Variants in CCDC50 observed in about 807,000 individuals in gnomAD.
CCDC50 encodes the protein coiled-coil domain-containing protein 50.
In CCDC50, 54 loss-of-function variants were observed where a neutral mutation model predicts 70.2. That is an observed-to-expected ratio of 0.77 (90% CI 0.62 to 0.96). CCDC50 has a LOEUF of 0.96. CCDC50 is among the 50% of genes least tolerant of loss of function. CCDC50 has a pLI of 0.00. For synonymous variants in CCDC50, 216 were observed against 198.8 expected (o/e 1.09, Z -0.73); for missense variants, 558 against 578.7 (o/e 0.96, Z 0.37).
At position 191,398,207 on chromosome 3, in the gene CCDC50, A is replaced by G. The variant is rs1334132178; in HGVS notation, c.*6447A>G. ...ACCTCCTTTTTTAAATGCCAATTGT[A>G]CATCTACATTAATTCATCTATGCAA... On this transcript the variant is annotated 3_prime_UTR_variant, in exon 12 of 12. Coordinates refer to ENST00000392455, the MANE Select transcript of CCDC50 (RefSeq NM_178335.3). The G allele has an allele frequency of 1.3e-5, 2 of 152,196 alleles. No homozygotes were observed. The highest frequency in any genetic ancestry group is 4.8e-5 in the African/African-American group (2 of 41,440). 9.4% of individuals were successfully genotyped at this position (152,196 alleles called of 1,614,324 possible).
At chr3:191,376,199 T>C (rs995331426) in intron 6 of CCDC50, among the ~76,000 whole-genome samples, 1 of 152,158 alleles carries the variant, frequency 6.6e-6, no homozygotes, top group East Asian at 1.9e-4. Flanking sequence ...GCCTGGCAGT[T>C]TGGACATGTT....
chr3:191,339,169 AT>A, intron 1 of CCDC50, among the ~76,000 whole-genome samples: 1 of 152,196 alleles, frequency 6.6e-6, no homozygotes, highest in Non-Finnish European at 1.5e-5. Context: ...CATGGTTTAT[AT>A]TGAAAAGAGG....
chr3:191,372,800 T>C (rs1712957406), intron 5 of CCDC50, among the ~76,000 whole-genome samples: 1 of 152,134 alleles, frequency 6.6e-6, no homozygotes, highest in South Asian at 2.1e-4. Context: ...ATTAGTGATT[T>C]TTTAAGTTGT....
chr3:191,379,487 G>C (rs1345222975), intron 6 of CCDC50, among the ~76,000 whole-genome samples: 1 of 152,020 alleles, frequency 6.6e-6, no homozygotes, highest in Non-Finnish European at 1.5e-5. Context: ...TGCTTTATAG[G>C]AATAAATTGG....
rs927640297 is a variant in CCDC50 at position 191,329,436 on chromosome 3, C to CGCGGAGCAGGTGGCCGCG, written c.-234_-217dup. Reference sequence around the variant, plus strand: ...ATTTGGTATCGATTGGGGCCGGGGACGCGGAGCAGGTGGCCGCGGCGGGGC... The same window carrying CGCGGAGCAGGTGGCCGCG: ...ATTTGGTATCGATTGGGGCCGGGGACGCGGAGCAGGTGGCCGCGGCGGAGCAGGTGGCCGCGGCGGGGC... On this transcript the variant is annotated 5_prime_UTR_variant, in exon 1 of 12. Coordinates refer to ENST00000392455, the MANE Select transcript of CCDC50 (RefSeq NM_178335.3). 3 of 450,322 alleles carry CGCGGAGCAGGTGGCCGCG rather than the reference C, an allele frequency of 6.7e-6. No individual in the cohort carries two copies. The highest frequency in any genetic ancestry group is 2.1e-5 in the African/African-American group (1 of 47,770). 27.9% of individuals were successfully genotyped at this position (450,322 alleles called of 1,614,324 possible).
chr3:191,335,429 A>T (rs1711503412), intron 1 of CCDC50, among the ~76,000 whole-genome samples: 1 of 152,208 alleles, frequency 6.6e-6, no homozygotes, highest in Non-Finnish European at 1.5e-5. Context: ...TAGATCTTAG[A>T]TAAGACCTAC....
rs1713757771 is a variant in CCDC50 at position 191,393,258 on chromosome 3, T to C, written c.*1498T>C. The C allele has an allele frequency of 6.6e-6, 1 of 152,182 alleles. No homozygotes were observed. Among genetic ancestry groups the C allele is most frequent in the African/African-American group, 2.4e-5 (1 of 41,442 alleles). The allele number at this position is 152,182 out of a possible 1,614,324, so 9.4% of individuals were successfully genotyped here. A position where few individuals can be genotyped will look rare whatever the true frequency, so the allele number is the denominator to read the frequency against. ...TCTGTCTCCCCCCCATGTACACATA[T>C]ATATATCCCTTCAGCTTGACTTGCT... On this transcript the variant is annotated 3_prime_UTR_variant, in exon 12 of 12. Coordinates refer to ENST00000392455, the MANE Select transcript of CCDC50 (RefSeq NM_178335.3).
intron 5 of CCDC50, among the ~76,000 whole-genome samples, chr3:191,373,308 T>G (rs1712978118): frequency 6.6e-6 from 1 of 152,130 alleles, no homozygotes; most frequent in Non-Finnish European, 1.5e-5. Context: ...TATTAGAGAA[T>G]AAACTTTTTC....
chr3:191,392,276 A>G lies in CCDC50; in HGVS notation c.*516A>G, dbSNP rs1232675076. 1 of 159,854 alleles carries G rather than the reference A, an allele frequency of 6.3e-6. No individual in the cohort carries two copies. The highest frequency in any genetic ancestry group is 1.4e-5 in the Non-Finnish European group (1 of 72,420). The allele number at this position is 159,854 out of a possible 1,614,324, so 9.9% of individuals were successfully genotyped here. A position where few individuals can be genotyped will look rare whatever the true frequency, so the allele number is the denominator to read the frequency against. ...TTTAAAAAAAGAAACACTTGGAGCA[A>G]TTGAAATATGTTATTCTGACTAGAT... is the stretch of plus-strand genomic sequence containing the variant. On this transcript the variant is annotated 3_prime_UTR_variant, in exon 12 of 12. Transcript: ENST00000392455.
chr3:191,335,043 T>G (rs1718096926), intron 1 of CCDC50, among the ~76,000 whole-genome samples: 1 of 152,208 alleles, frequency 6.6e-6, no homozygotes, highest in Non-Finnish European at 1.5e-5. Context: ...AGGTAGAAAC[T>G]CTAAAATTAA....
intron 1 of CCDC50, among the ~76,000 whole-genome samples, chr3:191,346,750 G>A (rs1351144323): frequency 6.6e-6 from 1 of 152,168 alleles, no homozygotes. Flanking sequence ...GGAAAAATGG[G>A]CTGTGTTTTA....
In CCDC50 at chr3:191,376,575, G is replaced by T. The variant is rs555020271; in HGVS notation, c.976+986G>T. ...TAGGTTGCGGATTCAGGTTAAGTTG[G>T]TTTTTCCTGTCATGTTATTTCTTAT... is the stretch of plus-strand genomic sequence containing the variant. On this transcript the variant is annotated intron_variant, in intron 6 of 11. Coordinates refer to ENST00000392455, the MANE Select transcript of CCDC50 (RefSeq NM_178335.3). Among the ~76,000 whole-genome samples, 483 of 152,198 alleles carry T rather than the reference G, an allele frequency of 3.2e-3. 3 individuals are homozygous for T. Among genetic ancestry groups the T allele is most frequent in the African/African-American group, 0.011 (458 of 41,538 alleles).
intron 5 of CCDC50, among the ~76,000 whole-genome samples, chr3:191,371,204 G>A (rs1227763359): frequency 1.3e-5 from 2 of 152,026 alleles, no homozygotes; most frequent in African/African-American, 2.4e-5. Context: ...GATTTCTGAG[G>A]GGATGATTCC....
chr3:191,361,212 T>C, intron 4 of CCDC50, 53 bp downstream of exon 4: 1 of 1,360,352 alleles, frequency 7.4e-7, no homozygotes, highest in Non-Finnish European at 1.1e-6. Flanking sequence ...TGCTCAGCTT[T>C]AGAGCAAAAA....
chr3:191,365,299 G>T (rs1381926523), intron 4 of CCDC50, among the ~76,000 whole-genome samples: 1 of 151,438 alleles, frequency 6.6e-6, no homozygotes, highest in Non-Finnish European at 1.5e-5. Context: ...AATGAATCTA[G>T]TATGAGCCAT....
In CCDC50 at chr3:191,395,235, G is replaced by A. The variant is rs559101568; in HGVS notation, c.*3475G>A. The A allele has an allele frequency of 6.6e-6, 1 of 152,208 alleles. No individual in the cohort carries two copies. The highest frequency in any genetic ancestry group is 6.5e-5 in the Admixed American group (1 of 15,288). 9.4% of individuals were successfully genotyped at this position (152,208 alleles called of 1,614,324 possible). On this transcript the variant is annotated 3_prime_UTR_variant, in exon 12 of 12. Coordinates refer to ENST00000392455, the MANE Select transcript of CCDC50 (RefSeq NM_178335.3). The stretch of plus-strand genomic sequence containing the variant: ...GTCCTGAAGCTGAGCTAGATGATGA[G>A]TAAATTCTTTGCTGACTGTTGCTCA...
rs1165589045 is a variant in CCDC50, at chr3:191,351,332, TG to T, written c.50-5753del. 6.4e-5 allele frequency among the ~76,000 whole-genome samples: 9 copies of T among 141,386 alleles called. 2 individuals carry two copies. Among genetic ancestry groups the T allele is most frequent in the Non-Finnish European group, 4.8e-5 (3 of 63,084 alleles). 92.8% of individuals were successfully genotyped at this position (141,386 alleles called of 152,430 possible). A position where few individuals can be genotyped will look rare whatever the true frequency, so the allele number is the denominator to read the frequency against. ...TTAGGCCTCCAAATTTGATGTCATT[TG>T]GGCTGGAATTTTAAGAGACATTCAA... On this transcript the variant is annotated intron_variant, in intron 1 of 11. Transcript: ENST00000392455.
intron 9 of CCDC50, 130 bp from the exon 10 acceptor site, chr3:191,382,613 AATT>A: frequency 1.6e-6 from 1 of 644,948 alleles, no homozygotes; most frequent in South Asian, 1.9e-5. Context: ...AATTAAATAT[AATT>A]AATCTGAAAT....
intron 3 of CCDC50, 133 bp from the exon 4 acceptor site, chr3:191,360,935 CT>C: frequency 1.5e-6 from 1 of 670,540 alleles, no homozygotes; most frequent in Non-Finnish European, 2.7e-6. Flanking sequence ...CTCTTTGCAT[CT>C]TTATCTTGAA....
Sources: allele counts gnomAD v4.1 joint callset (sites outside exome capture counted in the v4.1 genomes callset), GRCh38; gene constraint gnomAD v4.1.1; transcripts MANE v1.5; gene names NCBI Gene and HGNC (gene_info 2026-07-23, HGNC 2026-07-21).